ARHGAP15: variants seen among roughly 807,000 people sequenced by gnomAD.
ARHGAP15 encodes the protein rho GTPase-activating protein 15.
ARHGAP15 carries 51 observed loss-of-function variants against 63.7 expected under a neutral mutation model. The ratio of observed to expected loss-of-function variants is 0.80; its 90% CI spans 0.64 to 1.01. The LOEUF (loss-of-function observed/expected upper bound fraction) is 1.01, where lower values mean the gene tolerates loss of function less well. Among genes scored for constraint, ARHGAP15 ranks in the 50% least tolerant of loss-of-function variants. The probability of loss-of-function intolerance (pLI) is 0.00; values close to 1 mark genes in which losing one functional copy is unlikely to be tolerated. For missense variants in ARHGAP15, 560 were observed against 564.6 expected (o/e 0.99, Z 0.08); for synonymous variants, 191 against 193.8 (o/e 0.99, Z 0.12).
chr2:143,742,317 G>A (rs1033627068), intron 13 of ARHGAP15, among the ~76,000 whole-genome samples: 2 of 152,312 alleles, frequency 1.3e-5, no homozygotes, highest in South Asian at 2.1e-4. Context: ...CATTTCCCAC[G>A]TGACTGCAGA....
rs1377480371 is a variant in ARHGAP15 at position 143,435,656 on chromosome 2, T to C, written c.530T>C (p.Ile177Thr). 5 of 1,606,918 alleles carry C rather than the reference T, an allele frequency of 3.1e-6. 1 individual carries two copies. The South Asian group carries it at 5.5e-5, about 18-fold the overall frequency. Residue 177 changes from isoleucine (I) to threonine (T), a missense_variant, in exon 7 of 14, where the codon ATA (isoleucine) becomes ACA (threonine). Coordinates refer to ENST00000295095, the MANE Select transcript of ARHGAP15 (RefSeq NM_018460.4). ...FLLQSDIDFIILDWFHAIKNA... is the reference protein window; with the variant it reads ...FLLQSDIDFITLDWFHAIKNA... ...CTACAGTCAGATATTGACTTCATCA[T>C]ATTGGATTGGTTCCACGCTATCAAA...
intron 6 of ARHGAP15, among the ~76,000 whole-genome samples, chr2:143,433,931 T>C (rs1270664724): frequency 6.6e-6 from 1 of 152,110 alleles, no homozygotes; most frequent in Non-Finnish European, 1.5e-5. Flanking sequence ...ACTAGTTTTC[T>C]TGTGTTAGAA....
chr2:143,359,574 C>A (rs1685952486), intron 6 of ARHGAP15, among the ~76,000 whole-genome samples: 1 of 152,042 alleles, frequency 6.6e-6, no homozygotes, highest in African/African-American at 2.4e-5. Flanking sequence ...AAAATCGATG[C>A]AAAGAAATAA....
chr2:143,471,530 C>T (rs1157759956), intron 8 of ARHGAP15, among the ~76,000 whole-genome samples: 1 of 151,810 alleles, frequency 6.6e-6, no homozygotes, highest in Non-Finnish European at 1.5e-5. Flanking sequence ...AACAAAAACA[C>T]AGAAAAGAAA....
At chr2:143,496,245 C>T (rs62173062) in intron 9 of ARHGAP15, among the ~76,000 whole-genome samples, 2 of 151,888 alleles carry the variant, frequency 1.3e-5, no homozygotes, top group East Asian at 1.9e-4. Flanking sequence ...GGACACCATG[C>T]GAGATGGAGA....
intron 6 of ARHGAP15, among the ~76,000 whole-genome samples, chr2:143,329,634 T>C (rs1185780360): frequency 6.6e-6 from 1 of 152,152 alleles, no homozygotes; most frequent in Non-Finnish European, 1.5e-5. Context: ...AATACTGTGT[T>C]TTGAGCTGTT....
chr2:143,365,642 T>G (rs1003212029), intron 6 of ARHGAP15, among the ~76,000 whole-genome samples: 2 of 152,246 alleles, frequency 1.3e-5, no homozygotes, highest in African/African-American at 4.8e-5. Context: ...GAGCCTGGAT[T>G]ATAAACATAG....
intron 2 of ARHGAP15, among the ~76,000 whole-genome samples, chr2:143,159,212 C>T (rs1690196701): frequency 6.6e-6 from 1 of 151,886 alleles, no homozygotes; most frequent in African/African-American, 2.4e-5. Flanking sequence ...ATTCCTTTTA[C>T]TTCCATTAAC....
At chr2:143,481,128 C>G (rs1278855749) in intron 8 of ARHGAP15, among the ~76,000 whole-genome samples, 1 of 151,750 alleles carries the variant, frequency 6.6e-6, no homozygotes, top group African/African-American at 2.4e-5. Flanking sequence ...TGATTTCCTG[C>G]TCTGAATACT....
chr2:143,296,118 A>G (rs1682624137), intron 6 of ARHGAP15, among the ~76,000 whole-genome samples: 1 of 151,958 alleles, frequency 6.6e-6, no homozygotes, highest in East Asian at 1.9e-4. Context: ...TCATGCAGAG[A>G]ATATTTCATC....
intron 9 of ARHGAP15, among the ~76,000 whole-genome samples, chr2:143,511,301 T>C (rs1046116136): frequency 1.3e-5 from 2 of 152,134 alleles, no homozygotes; most frequent in East Asian, 1.9e-4. Flanking sequence ...TTGCAGAAAA[T>C]GAATTTTTTT....
intron 6 of ARHGAP15, among the ~76,000 whole-genome samples, chr2:143,425,824 G>A (rs750865911): frequency 1.3e-5 from 2 of 151,980 alleles, no homozygotes; most frequent in Non-Finnish European, 2.9e-5. Context: ...TCAAGCTCTT[G>A]GTTAAACACA....
At chr2:143,144,773 A>G (rs1689512126) in intron 1 of ARHGAP15, among the ~76,000 whole-genome samples, 1 of 152,038 alleles carries the variant, frequency 6.6e-6, no homozygotes, top group Admixed American at 6.6e-5. Context: ...TCTAAAGTGA[A>G]CTTTCATTCC....
intron 8 of ARHGAP15, among the ~76,000 whole-genome samples, chr2:143,459,967 C>T (rs1690860034): frequency 6.6e-6 from 1 of 152,058 alleles, no homozygotes; most frequent in African/African-American, 2.4e-5. Flanking sequence ...GAGGCCTGGT[C>T]TGCTTGGCCA....
At chr2:143,476,893 G>A (rs554368668) in intron 8 of ARHGAP15, among the ~76,000 whole-genome samples, 1 of 152,294 alleles carries the variant, frequency 6.6e-6, no homozygotes, top group South Asian at 2.1e-4. Context: ...AAACAGAGAG[G>A]AAGGCTGCAA....
intron 9 of ARHGAP15, among the ~76,000 whole-genome samples, chr2:143,511,720 T>A (rs1217986221): frequency 6.6e-6 from 1 of 152,168 alleles, no homozygotes; most frequent in Non-Finnish European, 1.5e-5. Context: ...TCCCTTTTTT[T>A]ATACTATTTT....
intron 11 of ARHGAP15, among the ~76,000 whole-genome samples, chr2:143,583,117 A>G (rs10167201): frequency 1 from 151,912 of 152,294 alleles, 75,768 homozygotes; most frequent in Middle Eastern, 1. Context: ...AGGGGCATAT[A>G]AGTGCCATTG....
At chr2:143,314,679 T>C (rs1041669892) in intron 6 of ARHGAP15, 4 of 152,196 alleles carry the variant, frequency 2.6e-5, no homozygotes, top group African/African-American at 7.2e-5. Context: ...TAGACATACA[T>C]TTGCTACCTC....
intron 6 of ARHGAP15, among the ~76,000 whole-genome samples, chr2:143,254,831 C>T (rs1264316110): frequency 6.6e-6 from 1 of 150,454 alleles, no homozygotes. Flanking sequence ...GGTACAGTTG[C>T]ATTCCTTTAA....
Sources: gnomAD v4.1 joint callset for allele counts (sites outside exome capture counted in the v4.1 genomes callset) on GRCh38, gnomAD v4.1.1 for gene constraint, MANE v1.5 for transcripts, NCBI Gene and HGNC (gene_info 2026-07-23, HGNC 2026-07-21) for gene names.